The following SYT1 variants were observed in gnomAD, a reference collection of about 807,000 sequenced individuals.
SYT1 encodes the protein synaptotagmin 1.
In SYT1, 8 loss-of-function variants were observed where a neutral mutation model predicts 44.8. The ratio of observed to expected loss-of-function variants is 0.18; its 90% CI spans 0.10 to 0.32. The LOEUF (loss-of-function observed/expected upper bound fraction) is 0.32, where lower values mean the gene tolerates loss of function less well. Ranked by LOEUF, SYT1 falls within the 10% of genes least tolerant of loss-of-function variation. SYT1 has a pLI of 1.00. For synonymous variants in SYT1, 154 were observed against 188.8 expected, an observed-to-expected ratio of 0.82 and a Z score of 1.51; for missense variants, 286 against 509.3, an observed-to-expected ratio of 0.56 and a Z score of 4.22.
chr12:79,374,910 G>C (rs1008927581), intron 9 of SYT1, among the ~76,000 whole-genome samples: 6 of 152,024 alleles, frequency 3.9e-5, no homozygotes, highest in Non-Finnish European at 8.8e-5. Flanking sequence ...TTTTTGTAAA[G>C]GACCAGATAG....
At position 79,221,259 on chromosome 12, in the gene SYT1, G is replaced by T. The variant is rs977700572; in HGVS notation, c.166+3574G>T. On this transcript the variant is annotated intron_variant, in intron 4 of 10. Transcript: ENST00000261205. ...ATATAGTTATTCCTGCTCTCTTTTG[G>T]TTTCCATTTGCATTATATATCTTTT... Among the ~76,000 whole-genome samples, 30 of 151,738 alleles carry T rather than the reference G, an allele frequency of 2.0e-4. No individual in the cohort carries two copies. In the East Asian group the frequency reaches 5.6e-3, roughly 28 times the overall value.
chr12:79,350,243 A>ATTCTTTTTTTT (rs1882830049), intron 8 of SYT1, among the ~76,000 whole-genome samples: 1 of 129,438 alleles, frequency 7.7e-6, no homozygotes, highest in Non-Finnish European at 1.6e-5. Context: ...CAGGATGCAT[A>ATTCTTTTTTTT]TTCTTTTTTT....
At chr12:79,206,352 C>T (rs946260105) in intron 3 of SYT1, among the ~76,000 whole-genome samples, 1 of 152,060 alleles carries the variant, frequency 6.6e-6, no homozygotes, top group Non-Finnish European at 1.5e-5. Flanking sequence ...CAGACGACAA[C>T]CCAGATGCAG....
At chr12:79,218,744 A>G (rs1047332053) in intron 4 of SYT1, among the ~76,000 whole-genome samples, 3 of 152,120 alleles carry the variant, frequency 2.0e-5, no homozygotes, top group African/African-American at 7.2e-5. Flanking sequence ...AAGTGGATGT[A>G]CCACAGTCCA....
intron 3 of SYT1, among the ~76,000 whole-genome samples, chr12:79,080,440 G>C (rs541689847): frequency 6.6e-6 from 1 of 152,172 alleles, no homozygotes; most frequent in Non-Finnish European, 1.5e-5. Context: ...AGGAGAGTTA[G>C]AGAAAGTTCT....
intron 3 of SYT1, among the ~76,000 whole-genome samples, chr12:79,209,817 C>T (rs1011225118): frequency 1.3e-5 from 2 of 152,190 alleles, no homozygotes; most frequent in African/African-American, 2.4e-5. Flanking sequence ...AATAAAATCA[C>T]TACATTCTGC....
chr12:78,907,008 T>C (rs1876027711), intron 1 of SYT1, among the ~76,000 whole-genome samples: 1 of 152,112 alleles, frequency 6.6e-6, no homozygotes, highest in African/African-American at 2.4e-5. Flanking sequence ...AAGATTTTCA[T>C]GTTGTATTTA....
intron 3 of SYT1, among the ~76,000 whole-genome samples, chr12:79,150,205 A>T (rs1347450854): frequency 6.6e-6 from 1 of 152,176 alleles, no homozygotes; most frequent in Non-Finnish European, 1.5e-5. Flanking sequence ...CATTATTACT[A>T]ACTGTAGTCT....
At chr12:79,310,679 C>G (rs1466132797) in intron 8 of SYT1, among the ~76,000 whole-genome samples, 3 of 152,190 alleles carry the variant, frequency 2.0e-5, no homozygotes, top group African/African-American at 7.2e-5. Flanking sequence ...TTTGTATCCT[C>G]TTTTATTTCA....
At chr12:78,962,393 A>T (rs1355398693) in intron 1 of SYT1, among the ~76,000 whole-genome samples, 1 of 139,866 alleles carries the variant, frequency 7.1e-6, no homozygotes, top group African/African-American at 2.7e-5. Flanking sequence ...TGGGTCACGT[A>T]CCTTTGCTTT....
At position 79,278,683 on chromosome 12, in the gene SYT1, A is replaced by G. The variant is rs139123643; in HGVS notation, c.167-7104A>G. On this transcript the variant is annotated intron_variant, in intron 4 of 10. Transcript: ENST00000261205. ...AAAGAGCAGAACTAAATGAAATTGA[A>G]ACCAACAAATACAAGGATCAATGAA... Among the ~76,000 whole-genome samples the G allele has an allele frequency of 3.9e-3, 596 of 152,162 alleles. 4 individuals carry two copies. Among genetic ancestry groups the G allele is most frequent in the African/African-American group, 0.013 (552 of 41,556 alleles).
chr12:79,370,586 C>A (rs1323713745), intron 9 of SYT1, among the ~76,000 whole-genome samples: 3 of 151,976 alleles, frequency 2.0e-5, no homozygotes, highest in Non-Finnish European at 4.4e-5. Context: ...AACGGTGAAA[C>A]CCCCTCTCTA....
At chr12:79,161,477 A>C (rs1001408009) in intron 3 of SYT1, among the ~76,000 whole-genome samples, 1 of 152,144 alleles carries the variant, frequency 6.6e-6, no homozygotes, top group African/African-American at 2.4e-5. Context: ...TGACAAAATC[A>C]CCTAACAATG....
intron 3 of SYT1, among the ~76,000 whole-genome samples, chr12:79,050,660 A>C (rs1874411348): frequency 6.6e-6 from 1 of 152,076 alleles, no homozygotes; most frequent in Non-Finnish European, 1.5e-5. Flanking sequence ...ACAACTATTA[A>C]CAACACTGCT....
At chr12:79,407,172 G>A (rs1021808404) in intron 9 of SYT1, among the ~76,000 whole-genome samples, 4 of 151,986 alleles carry the variant, frequency 2.6e-5, no homozygotes, top group African/African-American at 4.8e-5. Context: ...TTTTCTCTGG[G>A]TTTATCACTA....
chr12:78,897,975 A>G (rs1468737763), intron 1 of SYT1, among the ~76,000 whole-genome samples: 10 of 152,030 alleles, frequency 6.6e-5, no homozygotes, highest in Non-Finnish European at 1.3e-4. Context: ...TAGCTCCTAA[A>G]GGGTGAAACA....
intron 2 of SYT1, chr12:79,045,753 C>G (rs1873999636): frequency 1.3e-5 from 2 of 152,250 alleles, no homozygotes; most frequent in Admixed American, 1.3e-4. Context: ...GAAATCAAAT[C>G]CCCACAGATG....
intron 2 of SYT1, among the ~76,000 whole-genome samples, chr12:78,980,709 G>T (rs1485506372): frequency 1.3e-5 from 2 of 152,036 alleles, no homozygotes; most frequent in East Asian, 3.8e-4. Context: ...AAATTGAAGG[G>T]AAGAATCATT....
chr12:78,897,111 T>C (rs1194278683), intron 1 of SYT1, among the ~76,000 whole-genome samples: 2 of 151,856 alleles, frequency 1.3e-5, no homozygotes, highest in Non-Finnish European at 1.5e-5. Context: ...TTCATACATA[T>C]AGACTACAAA....
Sources: gnomAD v4.1 joint callset for allele counts (sites outside exome capture counted in the v4.1 genomes callset) on GRCh38, gnomAD v4.1.1 for gene constraint, MANE v1.5 for transcripts, NCBI Gene and HGNC (gene_info 2026-07-23, HGNC 2026-07-21) for gene names.